Variants in NRXN3 observed in about 807,000 individuals in gnomAD.
NRXN3 encodes neurexin 3.
NRXN3 carries 32 observed loss-of-function variants against 137.6 expected under a neutral mutation model. The observed-to-expected ratio is 0.23, with a 90% CI of 0.18 to 0.31. The LOEUF (loss-of-function observed/expected upper bound fraction) is 0.31. NRXN3 is among the 10% of genes least tolerant of loss of function. The probability of loss-of-function intolerance (pLI) is 1.00; values close to 1 mark genes in which losing one functional copy is unlikely to be tolerated. For synonymous variants in NRXN3, 798 were observed against 784.5 expected (o/e 1.02, Z -0.29); for missense variants, 1,574 against 2,062.5 (o/e 0.76, Z 4.59).
Position 79,458,776 on chromosome 14 carries a change from A to G in NRXN3, c.3263-8445A>G, listed in dbSNP as rs370753123. ...TGAGTTAATTTCTCACATAGACCTCATTATAAATTTACCCTTCAGAATTTA... is the reference window on the plus strand; with the variant it reads ...TGAGTTAATTTCTCACATAGACCTCGTTATAAATTTACCCTTCAGAATTTA... On this transcript the variant is annotated intron_variant, in intron 15 of 20. Transcript: ENST00000335750. 4.6e-5 allele frequency among the ~76,000 whole-genome samples: 7 copies of G among 152,292 alleles called. No individual in the cohort carries two copies. The East Asian group carries it at 7.7e-4, about 17-fold the overall frequency.
chr14:79,554,930 G>T (rs1567487272), intron 16 of NRXN3, among the ~76,000 whole-genome samples: 2 of 152,260 alleles, frequency 1.3e-5, no homozygotes, highest in South Asian at 4.1e-4. Flanking sequence ...TTCATTTGAT[G>T]TAGTTTGGTT....
chr14:78,783,251 A>G (rs990578724), intron 8 of NRXN3, among the ~76,000 whole-genome samples: 4 of 152,180 alleles, frequency 2.6e-5, no homozygotes, highest in African/African-American at 9.7e-5. Context: ...AAAGGACACA[A>G]TATCATTTTT....
chr14:78,481,429 G>A (rs2095472039), intron 4 of NRXN3, among the ~76,000 whole-genome samples: 1 of 152,092 alleles, frequency 6.6e-6, no homozygotes, highest in African/African-American at 2.4e-5. Context: ...CCTCTCCCAG[G>A]CAGAAAGAAG....
intron 6 of NRXN3, among the ~76,000 whole-genome samples, chr14:78,676,148 G>A (rs754046099): frequency 1.3e-5 from 2 of 152,084 alleles, no homozygotes; most frequent in Non-Finnish European, 1.5e-5. Flanking sequence ...TGGCCTCCAA[G>A]TGCTCAAGTA....
At position 78,667,676 on chromosome 14, in the gene NRXN3, A is replaced by G. The variant is rs1398377404; in HGVS notation, c.1221+16350A>G. On this transcript the variant is annotated intron_variant, in intron 6 of 20. Coordinates refer to ENST00000335750, the MANE Select transcript of NRXN3 (RefSeq NM_001330195.2). ...GGAGAATAATTACTTCTTCACAGACATAGGAAAAAAAACTCACTCATGGAT... is the reference window on the plus strand; with the variant it reads ...GGAGAATAATTACTTCTTCACAGACGTAGGAAAAAAAACTCACTCATGGAT... 2.6e-5 allele frequency among the ~76,000 whole-genome samples: 4 copies of G among 152,348 alleles called. No homozygotes were observed. The East Asian group carries it at 7.7e-4, about 29-fold the overall frequency.
chr14:78,975,277 G>A (rs560902616), intron 14 of NRXN3, among the ~76,000 whole-genome samples: 6 of 151,790 alleles, frequency 4.0e-5, no homozygotes, highest in African/African-American at 1.4e-4. Flanking sequence ...GTGGTCATGG[G>A]GAGTGCTCAG....
chr14:79,725,254 A>T (rs2098877498), intron 19 of NRXN3, among the ~76,000 whole-genome samples: 1 of 152,180 alleles, frequency 6.6e-6, no homozygotes, highest in Non-Finnish European at 1.5e-5. Context: ...CTTTAGATTG[A>T]TACATGTCTG....
At chr14:78,837,489 T>G (rs946585796) in intron 10 of NRXN3, among the ~76,000 whole-genome samples, 1 of 148,486 alleles carries the variant, frequency 6.7e-6, no homozygotes, top group African/African-American at 2.4e-5. Context: ...TTTATTTTTG[T>G]GGGTTTTTTT....
At chr14:78,347,488 T>C (rs2082909371) in intron 4 of NRXN3, among the ~76,000 whole-genome samples, 2 of 152,188 alleles carry the variant, frequency 1.3e-5, no homozygotes, top group African/African-American at 2.4e-5. Flanking sequence ...CAATGTATAC[T>C]TTCTAAGCTG....
At chr14:79,813,059 A>T (rs778426701) in intron 20 of NRXN3, among the ~76,000 whole-genome samples, 4 of 152,170 alleles carry the variant, frequency 2.6e-5, no homozygotes, top group Admixed American at 1.3e-4. Context: ...ATATATATGT[A>T]GACACAGTAT....
intron 4 of NRXN3, among the ~76,000 whole-genome samples, chr14:78,350,590 CTGAAGG>C (rs1375146376): frequency 6.6e-6 from 1 of 152,022 alleles, no homozygotes; most frequent in Non-Finnish European, 1.5e-5. Context: ...GGATTTTATT[CTGAAGG>C]TGAAGGTGAA....
intron 4 of NRXN3, among the ~76,000 whole-genome samples, chr14:78,338,776 C>T (rs939973577): frequency 2.6e-5 from 4 of 152,160 alleles, no homozygotes; most frequent in Non-Finnish European, 1.5e-5. Flanking sequence ...TCCAGGACCA[C>T]AAAAATTAGG....
intron 16 of NRXN3, among the ~76,000 whole-genome samples, chr14:79,583,975 A>G (rs2097742859): frequency 6.6e-6 from 1 of 152,244 alleles, no homozygotes; most frequent in Admixed American, 6.5e-5. Flanking sequence ...ACACTTGAGA[A>G]TAAAAACAAA....
At chr14:78,952,887 T>G (rs1199823366) in intron 10 of NRXN3, among the ~76,000 whole-genome samples, 1 of 152,152 alleles carries the variant, frequency 6.6e-6, no homozygotes, top group Non-Finnish European at 1.5e-5. Context: ...AAGTTTCCAA[T>G]GGTTCCCCAT....
chr14:78,882,480 C>T (rs1485122621), intron 10 of NRXN3, among the ~76,000 whole-genome samples: 1 of 151,798 alleles, frequency 6.6e-6, no homozygotes, highest in African/African-American at 2.4e-5. Flanking sequence ...CATCAGCATG[C>T]CCTGGATGTG....
chr14:79,753,398 T>G (rs1440146289), intron 19 of NRXN3, among the ~76,000 whole-genome samples: 16 of 151,902 alleles, frequency 1.1e-4, no homozygotes, highest in South Asian at 4.2e-4. Flanking sequence ...CCATAAAAAA[T>G]GATGAGTTCA....
intron 9 of NRXN3, among the ~76,000 whole-genome samples, chr14:78,804,725 C>A (rs2098850773): frequency 6.6e-6 from 1 of 152,052 alleles, no homozygotes; most frequent in South Asian, 2.1e-4. Flanking sequence ...TTACTGAATT[C>A]TAATTGATAT....
chr14:79,767,889 C>G (rs2099061502), intron 19 of NRXN3, among the ~76,000 whole-genome samples: 1 of 152,162 alleles, frequency 6.6e-6, no homozygotes, highest in Admixed American at 6.5e-5. Context: ...GAGTGCAAGA[C>G]AGTGGGCGCA....
In NRXN3 at chr14:78,515,556, A is replaced by AT. The variant is rs200441375; in HGVS notation, c.758-129555dup. On this transcript the variant is annotated intron_variant, in intron 4 of 20. Transcript: ENST00000335750. ...CCTAAAATATAGTTCTATATGCAAC[A>AT]TTTTTTTTTCTATGAAAACTACCTT... Among the ~76,000 whole-genome samples, 28 of 151,620 alleles carry AT rather than the reference A, an allele frequency of 1.8e-4. 1 individual carries two copies. Among genetic ancestry groups the AT allele is most frequent in the East Asian group, 9.7e-4 (5 of 5,174 alleles).
Sources: allele counts gnomAD v4.1 joint callset (sites outside exome capture counted in the v4.1 genomes callset), GRCh38; gene constraint gnomAD v4.1.1; transcripts MANE v1.5; gene names NCBI Gene and HGNC (gene_info 2026-07-23, HGNC 2026-07-21).